The following SGCZ variants were observed in gnomAD, a reference collection of about 807,000 sequenced individuals.
SGCZ encodes sarcoglycan zeta.
A neutral mutation model predicts 41.3 loss-of-function variants in SGCZ; 40 were observed. That is an observed-to-expected ratio of 0.97 (90% CI 0.75 to 1.26). The LOEUF (loss-of-function observed/expected upper bound fraction) is 1.26. SGCZ is among the 50% of genes most tolerant of loss of function. The probability of loss-of-function intolerance (pLI) is 0.00; values close to 1 mark genes in which losing one functional copy is unlikely to be tolerated. For missense variants in SGCZ, 552 were observed against 369.8 expected (o/e 1.49, Z -4.04); for synonymous variants, 206 against 137.5 (o/e 1.50, Z -3.49).
At chr8:14,936,481 T>G (rs1290912673) in intron 1 of SGCZ, among the ~76,000 whole-genome samples, 3 of 151,878 alleles carry the variant, frequency 2.0e-5, no homozygotes, top group Non-Finnish European at 4.4e-5. Flanking sequence ...AATGGGTGTA[T>G]ACATACTCAG....
At chr8:14,635,098 C>T (rs558107759) in intron 1 of SGCZ, among the ~76,000 whole-genome samples, 30 of 151,620 alleles carry the variant, frequency 2.0e-4, no homozygotes, top group African/African-American at 6.8e-4. Flanking sequence ...ATCTTTAAGG[C>T]TCAAGTTTTG....
chr8:14,889,997 T>C (rs944258035), intron 1 of SGCZ, among the ~76,000 whole-genome samples: 9 of 151,940 alleles, frequency 5.9e-5, no homozygotes, highest in Non-Finnish European at 1.0e-4. Context: ...GGCAGGCAGA[T>C]CACAAGGTCA....
chr8:14,713,000 C>A (rs1809571961), intron 1 of SGCZ, among the ~76,000 whole-genome samples: 1 of 152,082 alleles, frequency 6.6e-6, no homozygotes, highest in East Asian at 1.9e-4. Context: ...CAAATGTAGT[C>A]ATTTCCTAAA....
At chr8:14,780,950 C>T (rs1800569907) in intron 1 of SGCZ, among the ~76,000 whole-genome samples, 2 of 152,150 alleles carry the variant, frequency 1.3e-5, no homozygotes, top group South Asian at 4.1e-4. Context: ...GCCAAAGATA[C>T]AGAGAATAAA....
chr8:14,937,407 A>G (rs987199033), intron 1 of SGCZ, among the ~76,000 whole-genome samples: 3 of 152,062 alleles, frequency 2.0e-5, no homozygotes, highest in Admixed American at 1.3e-4. Context: ...GCACAGATCC[A>G]TGTTGTTTTT....
intron 1 of SGCZ, among the ~76,000 whole-genome samples, chr8:15,203,462 G>A (rs888886756): frequency 1.3e-5 from 2 of 152,108 alleles, no homozygotes; most frequent in Non-Finnish European, 2.9e-5. Flanking sequence ...GAATACACCG[G>A]ATTGAGGGCA....
chr8:14,359,928 G>A (rs944268379), intron 2 of SGCZ, among the ~76,000 whole-genome samples: 1 of 151,950 alleles, frequency 6.6e-6, no homozygotes, highest in East Asian at 1.9e-4. Context: ...TGACCCATTG[G>A]GATTTATCTC....
At chr8:14,694,667 G>A (rs187796960) in intron 1 of SGCZ, among the ~76,000 whole-genome samples, 42 of 152,166 alleles carry the variant, frequency 2.8e-4, no homozygotes, top group African/African-American at 7.5e-4. Context: ...ACGGTGCCAG[G>A]CTCAATACAT....
At chr8:15,105,775 A>T (rs1433724528) in intron 1 of SGCZ, among the ~76,000 whole-genome samples, 1 of 152,196 alleles carries the variant, frequency 6.6e-6, no homozygotes, top group Non-Finnish European at 1.5e-5. Flanking sequence ...AAGCACTCAT[A>T]TATATAGCAA....
intron 2 of SGCZ, among the ~76,000 whole-genome samples, chr8:14,334,653 C>A (rs1346165370): frequency 6.6e-6 from 1 of 152,086 alleles, no homozygotes; most frequent in Admixed American, 6.6e-5. Flanking sequence ...TTATTTGCCT[C>A]AAATTTGCAT....
chr8:14,577,914 A>G (rs2117248637), intron 1 of SGCZ, among the ~76,000 whole-genome samples: 1 of 152,336 alleles, frequency 6.6e-6, no homozygotes, highest in Admixed American at 6.5e-5. Context: ...TAAATGAGGA[A>G]ATGAACAAAA....
At chr8:14,988,215 C>A in intron 1 of SGCZ, among the ~76,000 whole-genome samples, 1 of 151,740 alleles carries the variant, frequency 6.6e-6, no homozygotes, top group South Asian at 2.1e-4. Context: ...GTAATATTAA[C>A]AAAAATCAAT....
chr8:14,101,560 TGCAGGAGTA>T (rs1323409206), intron 7 of SGCZ, among the ~76,000 whole-genome samples: 3 of 152,226 alleles, frequency 2.0e-5, no homozygotes, highest in Non-Finnish European at 4.4e-5. Flanking sequence ...AAATGATGTC[TGCAGGAGTA>T]GCAACAAGAT....
chr8:15,142,144 C>T (rs181033788), intron 1 of SGCZ, among the ~76,000 whole-genome samples: 6 of 152,084 alleles, frequency 3.9e-5, no homozygotes, highest in Admixed American at 2.0e-4. Flanking sequence ...ATTACAAACA[C>T]GAGATGATTC....
At position 14,305,190 on chromosome 8, in the gene SGCZ, T is replaced by C. The variant is rs188879617; in HGVS notation, c.336+18913A>G. Among the ~76,000 whole-genome samples, 196 of 152,272 alleles carry C rather than the reference T, an allele frequency of 1.3e-3. 1 individual carries two copies. The highest frequency in any genetic ancestry group is 4.5e-3 in the African/African-American group (189 of 41,566). ...TGTTAAGTCTTTATAGGGCAATCAA[T>C]GTAACAAATAATCTACCAATATAAC... On this transcript the variant is annotated intron_variant, in intron 3 of 7. Coordinates refer to ENST00000382080, the MANE Select transcript of SGCZ (RefSeq NM_139167.4).
intron 2 of SGCZ, among the ~76,000 whole-genome samples, chr8:14,340,328 G>A (rs988261792): frequency 8.6e-5 from 13 of 152,034 alleles, no homozygotes; most frequent in African/African-American, 1.7e-4. Context: ...CCATACTCTG[G>A]TTAGTTATGA....
chr8:14,613,915 A>G (rs767959560), intron 1 of SGCZ, among the ~76,000 whole-genome samples: 15 of 152,176 alleles, frequency 9.9e-5, no homozygotes, highest in Non-Finnish European at 1.8e-4. Context: ...AAAATCTAGC[A>G]GACGTTATCT....
At chr8:14,305,356 C>T (rs1346279) in intron 3 of SGCZ, among the ~76,000 whole-genome samples, 28,368 of 151,942 alleles carry the variant, frequency 0.19, 2,798 homozygotes, top group East Asian at 0.28. Flanking sequence ...ACTTATAATG[C>T]TTATTTTAAA....
intron 1 of SGCZ, among the ~76,000 whole-genome samples, chr8:14,700,812 C>T (rs895687818): frequency 1.3e-5 from 2 of 151,696 alleles, no homozygotes; most frequent in Non-Finnish European, 2.9e-5. Flanking sequence ...TAATCAAAGG[C>T]CAACTGCCAC....
Sources: allele counts gnomAD v4.1 joint callset (sites outside exome capture counted in the v4.1 genomes callset), GRCh38; gene constraint gnomAD v4.1.1; transcripts MANE v1.5; gene names NCBI Gene and HGNC (gene_info 2026-07-23, HGNC 2026-07-21).